BRINP1: variants seen among roughly 807,000 people sequenced by gnomAD.
BRINP1 encodes the protein BMP/retinoic acid inducible neural specific 1, also known as BMP/retinoic acid-inducible neural-specific protein 1.
Under a neutral mutation model 72.9 loss-of-function variants are expected in BRINP1, and 17 were observed. The observed-to-expected ratio is 0.23, with a 90% CI of 0.16 to 0.35. BRINP1 has a LOEUF of 0.35. BRINP1 is among the 10% of genes least tolerant of loss of function. BRINP1 has a pLI of 1.00. For missense variants in BRINP1, 850 were observed against 1,001.6 expected (o/e 0.85, Z 2.04); for synonymous variants, 418 against 378.5 (o/e 1.10, Z -1.21).
chr9:119,243,060 A>AC (rs1554750560), intron 3 of BRINP1, among the ~76,000 whole-genome samples: 1 of 151,056 alleles, frequency 6.6e-6, no homozygotes, highest in Non-Finnish European at 1.5e-5. Context: ...ACTGGTGCAA[A>AC]TTTTTTTTTA....
At chr9:119,268,247 A>AATAGATAGATAG (rs61056780) in intron 2 of BRINP1, among the ~76,000 whole-genome samples, 18 of 95,584 alleles carry the variant, frequency 1.9e-4, no homozygotes, top group South Asian at 4.2e-4. Context: ...TGTCTCAATA[A>AATAGATAGATAG]ATAGATAGAT....
intron 5 of BRINP1, among the ~76,000 whole-genome samples, chr9:119,218,336 G>A (rs1299077015): frequency 6.6e-6 from 1 of 151,606 alleles, no homozygotes; most frequent in Non-Finnish European, 1.5e-5. Context: ...TCCCGAGTAG[G>A]GTTTCAACAT....
intron 7 of BRINP1, among the ~76,000 whole-genome samples, chr9:119,200,627 AAAAAAAAAG>A (rs1829794709): frequency 9.2e-6 from 1 of 108,328 alleles, no homozygotes; most frequent in Non-Finnish European, 1.8e-5. Flanking sequence ...CTGCCTCAAG[AAAAAAAAAG>A]AAAAAAAAAA....
chr9:119,198,411 C>CTGAAT (rs1226393061), intron 7 of BRINP1, among the ~76,000 whole-genome samples: 1 of 152,162 alleles, frequency 6.6e-6, no homozygotes, highest in Admixed American at 6.5e-5. Flanking sequence ...AAATTGAAGC[C>CTGAAT]TGAATGCCTT....
intron 5 of BRINP1, among the ~76,000 whole-genome samples, chr9:119,230,555 T>C (rs1213849442): frequency 6.6e-6 from 1 of 151,750 alleles, no homozygotes; most frequent in Non-Finnish European, 1.5e-5. Flanking sequence ...CATTGAGAGA[T>C]GGGCCACATT....
intron 7 of BRINP1, among the ~76,000 whole-genome samples, chr9:119,169,287 T>A (rs985518588): frequency 6.6e-6 from 1 of 152,204 alleles, no homozygotes; most frequent in Non-Finnish European, 1.5e-5. Flanking sequence ...GTGCGCGAGC[T>A]GAAGCAGGGC....
chr9:119,276,462 T>C (rs890717780), intron 2 of BRINP1, among the ~76,000 whole-genome samples: 1 of 152,228 alleles, frequency 6.6e-6, no homozygotes, highest in African/African-American at 2.4e-5. Context: ...TTGTATCTTT[T>C]AACAAAATCT....
chr9:119,351,809 TA>T (rs1164499873), intron 1 of BRINP1, among the ~76,000 whole-genome samples: 2 of 124,300 alleles, frequency 1.6e-5, no homozygotes, highest in Non-Finnish European at 3.7e-5. Context: ...TTTCTCTTTT[TA>T]TTTTTTTATT....
intron 2 of BRINP1, among the ~76,000 whole-genome samples, chr9:119,310,861 A>G (rs554842062): frequency 6.6e-6 from 1 of 152,324 alleles, no homozygotes; most frequent in South Asian, 2.1e-4. Flanking sequence ...AGGAAAAAGT[A>G]TCAATTCACA....
chr9:119,313,076 A>T, intron 2 of BRINP1, 62 bp downstream of exon 2: 1 of 1,544,118 alleles, frequency 6.5e-7, no homozygotes, highest in South Asian at 1.2e-5. Flanking sequence ...GCACCAATCA[A>T]CGCCTGACTC....
At position 119,355,539 on chromosome 9, in the gene BRINP1, T is replaced by C. The variant is rs570888058; in HGVS notation, c.-51+13517A>G. On this transcript the variant is annotated intron_variant, in intron 1 of 7. Coordinates refer to ENST00000265922, the MANE Select transcript of BRINP1 (RefSeq NM_014618.3). ...GTCAGGAGATTGAGACCATCCTGGC[T>C]AACATGGTAAAACCCCATCTCTAAT... 1.7e-4 allele frequency among the ~76,000 whole-genome samples: 26 copies of C among 152,090 alleles called. No individual in the cohort carries two copies. In the East Asian group the frequency reaches 1.9e-3, roughly 11 times the overall value.
At chr9:119,185,616 T>A (rs944839118) in intron 7 of BRINP1, among the ~76,000 whole-genome samples, 2 of 152,028 alleles carry the variant, frequency 1.3e-5, no homozygotes, top group East Asian at 3.9e-4. Flanking sequence ...AAGGGGGTGG[T>A]GAAAACCCTG....
chr9:119,329,365 T>A (rs941290583), intron 1 of BRINP1, among the ~76,000 whole-genome samples: 15 of 152,216 alleles, frequency 9.9e-5, no homozygotes, highest in Non-Finnish European at 2.1e-4. Context: ...TTCTGCAATG[T>A]TGTCATCCTT....
intron 2 of BRINP1, among the ~76,000 whole-genome samples, chr9:119,295,801 T>C (rs990982070): frequency 3.3e-5 from 5 of 152,152 alleles, no homozygotes; most frequent in African/African-American, 1.2e-4. Flanking sequence ...AGGTTCTCTC[T>C]TCAATAAATG....
intron 1 of BRINP1, among the ~76,000 whole-genome samples, chr9:119,357,673 G>A (rs745466262): frequency 6.6e-6 from 1 of 152,196 alleles, no homozygotes; most frequent in Non-Finnish European, 1.5e-5. Flanking sequence ...AGATTGTTAA[G>A]GAGATTTAAG....
chr9:119,303,232 C>T (rs10984472), intron 2 of BRINP1, among the ~76,000 whole-genome samples: 41,868 of 150,648 alleles, frequency 0.28, 7,076 homozygotes, highest in Non-Finnish European at 0.37. Flanking sequence ...GAACAATAAA[C>T]CTGCAATTTG....
chr9:119,274,127 T>C (rs1305158774), intron 2 of BRINP1, among the ~76,000 whole-genome samples: 1 of 152,226 alleles, frequency 6.6e-6, no homozygotes, highest in East Asian at 1.9e-4. Flanking sequence ...TCCTATTTTG[T>C]TTATTCTGAG....
At chr9:119,307,223 C>T (rs899775812) in intron 2 of BRINP1, among the ~76,000 whole-genome samples, 3 of 151,848 alleles carry the variant, frequency 2.0e-5, no homozygotes, top group Admixed American at 6.6e-5. Flanking sequence ...TAAGTGTCCC[C>T]GTAGGAAGCA....
At position 119,166,822 on chromosome 9, in the gene BRINP1, T is replaced by TAAGAAGCAACTCCCTCAATGCTCCACAAA; in HGVS notation, c.*233_*261dup. The TAAGAAGCAACTCCCTCAATGCTCCACAAA allele has an allele frequency of 2.5e-6, 1 of 405,334 alleles. No homozygotes were observed. Among genetic ancestry groups the TAAGAAGCAACTCCCTCAATGCTCCACAAA allele is most frequent in the South Asian group, 3.2e-5 (1 of 31,038 alleles). The allele number at this position is 405,334 out of a possible 1,614,324, so 25.1% of individuals were successfully genotyped here. A position where few individuals can be genotyped will look rare whatever the true frequency, so the allele number is the denominator to read the frequency against. ...CTCCCCCAATACAGCACCTGAGGCC[T>TAAGAAGCAACTCCCTCAATGCTCCACAAA]AAGAAGCAACTCCCTCAATGCTCCA... On this transcript the variant is annotated 3_prime_UTR_variant, in exon 8 of 8. Coordinates refer to ENST00000265922, the MANE Select transcript of BRINP1 (RefSeq NM_014618.3).
Sources: gnomAD v4.1 joint callset for allele counts (sites outside exome capture counted in the v4.1 genomes callset) on GRCh38, gnomAD v4.1.1 for gene constraint, MANE v1.5 for transcripts, NCBI Gene and HGNC (gene_info 2026-07-23, HGNC 2026-07-21) for gene names.